Variants in NDUFA5 observed in about 807,000 individuals in gnomAD.
NDUFA5 encodes the protein NADH:ubiquinone oxidoreductase subunit A5, also known as NADH dehydrogenase [ubiquinone] 1 alpha subcomplex subunit 5.
NDUFA5 carries 11 observed loss-of-function variants against 19.8 expected under a neutral mutation model. The observed-to-expected ratio is 0.56, with a 90% CI of 0.35 to 0.92. NDUFA5 has a LOEUF of 0.92. Ranked by LOEUF, NDUFA5 falls within the 40% of genes least tolerant of loss-of-function variation. NDUFA5 has a pLI of 0.01. For missense variants in NDUFA5, 109 were observed against 134.2 expected (o/e 0.81, Z 0.93); for synonymous variants, 47 against 46.8 (o/e 1.00, Z -0.01).
At chr7:123,584,010 C>T in the NDUFA5 span, among the ~76,000 whole-genome samples, 4 of 151,868 alleles carry the variant, frequency 2.6e-5, no homozygotes, top group Non-Finnish European at 4.4e-5. Context: ...TGGTTAGCCC[C>T]GGAGTTCATC....
chr7:123,589,312 TATTATTATTATC>T, the NDUFA5 span, among the ~76,000 whole-genome samples: 1 of 149,842 alleles, frequency 6.7e-6, no homozygotes, highest in Non-Finnish European at 1.5e-5. Context: ...TTATTATTAT[TATTATTATTATC>T]ATTATTATTA....
chr7:123,591,527 G>A, the NDUFA5 span, among the ~76,000 whole-genome samples: 9 of 152,034 alleles, frequency 5.9e-5, no homozygotes, highest in African/African-American at 1.4e-4. Flanking sequence ...GAAGTTTGTC[G>A]AAGGCCTTTT....
the NDUFA5 span, among the ~76,000 whole-genome samples, chr7:123,583,665 C>T: frequency 6.6e-6 from 1 of 151,804 alleles, no homozygotes; most frequent in African/African-American, 2.4e-5. Context: ...GGAGAGAAGG[C>T]ACAGGAAAGA....
intron 3 of NDUFA5, among the ~76,000 whole-genome samples, chr7:123,548,641 G>T (rs1370935979): frequency 6.6e-6 from 1 of 152,164 alleles, no homozygotes; most frequent in South Asian, 2.1e-4. Flanking sequence ...GAAGCAACAG[G>T]ATCAGATTGA....
upstream of NDUFA5, among the ~76,000 whole-genome samples, chr7:123,560,510 G>T (rs1368016594): frequency 6.6e-6 from 1 of 152,178 alleles, no homozygotes; most frequent in East Asian, 1.9e-4. Flanking sequence ...ATCAGGGTCA[G>T]CTCAGGCTGC....
chr7:123,556,928 G>A (rs1207034323), intron 2 of NDUFA5: 2 of 492,932 alleles, frequency 4.1e-6, no homozygotes, highest in East Asian at 5.5e-5. Context: ...GAAATGGTGT[G>A]ATTATAGAAG....
chr7:123,547,596 G>A (rs979124799), intron 3 of NDUFA5, among the ~76,000 whole-genome samples: 2 of 152,094 alleles, frequency 1.3e-5, no homozygotes, highest in Non-Finnish European at 2.9e-5. Flanking sequence ...TAATAAGCAT[G>A]TTTAAGACAG....
At chr7:123,566,013 C>G in the NDUFA5 span, among the ~76,000 whole-genome samples, 1 of 147,456 alleles carries the variant, frequency 6.8e-6, no homozygotes, top group African/African-American at 2.5e-5. Flanking sequence ...AGTGAGACTC[C>G]GTCTAAAAAA....
At chr7:123,554,677 T>C (rs1300376762) in intron 2 of NDUFA5, 1 of 151,496 alleles carries the variant, frequency 6.6e-6, no homozygotes, top group Non-Finnish European at 1.5e-5. Flanking sequence ...TTAGTTGTTA[T>C]CTCTTTTTTT....
At chr7:123,546,820 GA>G in intron 3 of NDUFA5, 1 of 600,300 alleles carries the variant, frequency 1.7e-6, no homozygotes, top group Non-Finnish European at 2.8e-6. Flanking sequence ...ATGATAGGCT[GA>G]AAAATACCAC....
intron 3 of NDUFA5, 38 bp from the exon 4 acceptor site, chr7:123,545,714 C>T: frequency 7.1e-7 from 1 of 1,400,116 alleles, no homozygotes; most frequent in Non-Finnish European, 1.0e-6. Context: ...AAGAAGCATA[C>T]TAACTGAATG....
the NDUFA5 span, among the ~76,000 whole-genome samples, chr7:123,570,400 G>A: frequency 3.6e-3 from 552 of 151,960 alleles, 23 homozygotes; most frequent in East Asian, 0.096. Flanking sequence ...CCACCCTGAT[G>A]TTCCCTGACT....
chr7:123,549,958 A>G (rs571536553), intron 3 of NDUFA5: 1 of 152,988 alleles, frequency 6.5e-6, no homozygotes, highest in South Asian at 2.1e-4. Context: ...TATTTTAGAT[A>G]ATTACATAAA....
At chr7:123,598,275 C>T in the NDUFA5 span, among the ~76,000 whole-genome samples, 1 of 151,728 alleles carries the variant, frequency 6.6e-6, no homozygotes, top group Non-Finnish European at 1.5e-5. Flanking sequence ...ATAATTATGC[C>T]CTTATTTTGA....
chr7:123,541,884 A>ACT lies in NDUFA5; in HGVS notation c.*234_*235insAG, dbSNP rs1385840958. ...TCTTTAATAATTTTCAAATCTTCCC[A>ACT]TGGCCTCTCTGTTCACAGAAATATC... On this transcript the variant is annotated 3_prime_UTR_variant, in exon 5 of 5. Transcript: ENST00000355749. 7.3e-6 allele frequency: 2 copies of ACT among 273,212 alleles called. No individual in the cohort carries two copies. The highest frequency in any genetic ancestry group is 5.3e-5 in the Admixed American group (1 of 18,994). The allele number at this position is 273,212 out of a possible 1,614,324, so 16.9% of individuals were successfully genotyped here.
At chr7:123,570,199 T>A in the NDUFA5 span, among the ~76,000 whole-genome samples, 1 of 151,854 alleles carries the variant, frequency 6.6e-6, no homozygotes, top group Non-Finnish European at 1.5e-5. Context: ...CATGCCCAGC[T>A]AATTTTTTTG....
the NDUFA5 span, among the ~76,000 whole-genome samples, chr7:123,584,224 A>G: frequency 2.7e-5 from 4 of 149,756 alleles, no homozygotes; most frequent in South Asian, 8.4e-4. Flanking sequence ...TTCCAGGAGG[A>G]TCACTGAAGC....
chr7:123,578,227 T>A, the NDUFA5 span, among the ~76,000 whole-genome samples: 2 of 150,668 alleles, frequency 1.3e-5, no homozygotes, highest in Admixed American at 1.3e-4. Flanking sequence ...ATTCACAAGC[T>A]ACCTGCTGAT....
chr7:123,597,171 T>C, the NDUFA5 span, among the ~76,000 whole-genome samples: 1 of 152,094 alleles, frequency 6.6e-6, no homozygotes, highest in Non-Finnish European at 1.5e-5. Context: ...TGTGATGAAA[T>C]TTTGGGTCAC....
Sources: gnomAD v4.1 joint callset for allele counts (sites outside exome capture counted in the v4.1 genomes callset) on GRCh38, gnomAD v4.1.1 for gene constraint, MANE v1.5 for transcripts, NCBI Gene and HGNC (gene_info 2026-07-23, HGNC 2026-07-21) for gene names.